The following EFNB2 variants were observed in gnomAD, a reference collection of about 807,000 sequenced individuals.
The protein encoded by EFNB2 is ephrin-B2.
In EFNB2, 5 loss-of-function variants were observed where a neutral mutation model predicts 32.1. That is an observed-to-expected ratio of 0.16 (90% confidence interval 0.08 to 0.33). EFNB2 has a LOEUF of 0.33. Among genes scored for constraint, EFNB2 ranks in the 10% least tolerant of loss-of-function variants. EFNB2 has a pLI of 1.00. For missense variants in EFNB2, 263 were observed against 422.6 expected (o/e 0.62, Z 3.31); for synonymous variants, 168 against 166.5 (o/e 1.01, Z -0.07).
chr13:106,530,025 C>T (rs191102168), intron 1 of EFNB2, among the ~76,000 whole-genome samples: 66 of 152,304 alleles, frequency 4.3e-4, no homozygotes, highest in African/African-American at 1.5e-3. Flanking sequence ...AGAGTTCACA[C>T]GGCTAGTATC....
intron 2 of EFNB2, among the ~76,000 whole-genome samples, chr13:106,505,285 G>T (rs952854001): frequency 3.9e-5 from 6 of 152,152 alleles, no homozygotes; most frequent in Non-Finnish European, 7.3e-5. Flanking sequence ...ATTGCTACAT[G>T]TGCACTTAGA....
At chr13:106,500,025 T>A (rs1394570477) in intron 2 of EFNB2, among the ~76,000 whole-genome samples, 1 of 152,200 alleles carries the variant, frequency 6.6e-6, no homozygotes, top group Non-Finnish European at 1.5e-5. Flanking sequence ...CCTATACTTA[T>A]CTGCAGTTCT....
rs1012769087 is a variant in EFNB2, at chr13:106,492,921, C to G, written c.*119G>C. 7.5e-7 allele frequency: 1 copy of G among 1,335,958 alleles called. No individual in the cohort carries two copies. Among genetic ancestry groups the G allele is most frequent in the Non-Finnish European group, 1.0e-6 (1 of 985,230 alleles). 82.8% of individuals were successfully genotyped at this position (1,335,958 alleles called of 1,614,324 possible). Reference sequence around the variant, plus strand: ...ACGGGCTCTTCCGAGGAGGAGTGTCCCTCTCCCCCGGTGCTGTGCTTCAGT... The same window carrying G: ...ACGGGCTCTTCCGAGGAGGAGTGTCGCTCTCCCCCGGTGCTGTGCTTCAGT... On this transcript the variant is annotated 3_prime_UTR_variant, in exon 5 of 5. Transcript: ENST00000646441. This position sits in a 1 kb window ranked among gnomAD's most constrained non-coding sequence, Gnocchi z 5.1.
At chr13:106,525,413 C>A (rs1195237707) in intron 1 of EFNB2, among the ~76,000 whole-genome samples, 1 of 152,198 alleles carries the variant, frequency 6.6e-6, no homozygotes, top group Non-Finnish European at 1.5e-5. Context: ...ACTGATAATT[C>A]TCACGTGAAC....
In EFNB2 at chr13:106,492,991, G is replaced by C; in HGVS notation, c.*49C>G. 2.6e-6 allele frequency: 4 copies of C among 1,549,392 alleles called. No individual in the cohort carries two copies. The highest frequency in any genetic ancestry group is 2.3e-5 in the East Asian group (1 of 44,196). ...CTCTCAAACCCTCAAGGGAGGCATC[G>C]GGACATTAGGTGTCCTCTGGGAAAG... On this transcript the variant is annotated 3_prime_UTR_variant, in exon 5 of 5. Transcript: ENST00000646441. The surrounding 1 kb of genome is among the most constrained non-coding windows in gnomAD (Gnocchi z 5.1).
At chr13:106,494,815 C>G in intron 4 of EFNB2, 66 bp downstream of exon 4, 2 of 1,282,274 alleles carry the variant, frequency 1.6e-6, no homozygotes, top group Non-Finnish European at 1.1e-6. Context: ...TCTGCCCTAC[C>G]TTTTAAGATA....
chr13:106,531,766 GA>G (rs5806591), intron 1 of EFNB2, among the ~76,000 whole-genome samples: 1 of 151,776 alleles, frequency 6.6e-6, no homozygotes, highest in African/African-American at 2.4e-5. Context: ...ATTATATAGG[GA>G]AAAAATTACA....
chr13:106,497,290 A>G (rs973354920), intron 2 of EFNB2, among the ~76,000 whole-genome samples: 4 of 152,134 alleles, frequency 2.6e-5, no homozygotes. Flanking sequence ...CTTAAACTTT[A>G]CAGTCTCACA....
intron 2 of EFNB2, chr13:106,510,053 G>C (rs1283893586): frequency 6.6e-6 from 1 of 152,094 alleles, no homozygotes; most frequent in Non-Finnish European, 1.5e-5. Context: ...TCAAACTTGA[G>C]ACCCTCAATT....
chr13:106,529,975 T>C (rs1879820865), intron 1 of EFNB2, among the ~76,000 whole-genome samples: 1 of 152,254 alleles, frequency 6.6e-6, no homozygotes, highest in Non-Finnish European at 1.5e-5. Flanking sequence ...CACTTTGTTT[T>C]TGATTCGGAA....
In EFNB2 at chr13:106,493,123, C is replaced by T; in HGVS notation, c.919G>A (p.Val307Ile). ...ACCGGGTGCCCGTAGTCCCCGCTGACCTTCTCGTAGTGAGGGCAGAAGACG... is the reference window on the plus strand; with the variant it reads ...ACCGGGTGCCCGTAGTCCCCGCTGATCTTCTCGTAGTGAGGGCAGAAGACG... ...DSVFCPHYEK[V>I]SGDYGHPVYI... Residue 307 changes from valine to isoleucine, a missense_variant, in exon 5 of 5, where the codon GTC becomes ATC. Coordinates refer to ENST00000646441, the MANE Select transcript of EFNB2 (RefSeq NM_004093.4). This position sits in a 1 kb window ranked among gnomAD's most constrained non-coding sequence, Gnocchi z 6.1. 6.2e-7 allele frequency: 1 copy of T among 1,614,080 alleles called. No homozygotes were observed. Among genetic ancestry groups the T allele is most frequent in the Non-Finnish European group, 8.5e-7 (1 of 1,180,044 alleles).
chr13:106,497,545 T>A (rs567438950), intron 2 of EFNB2, among the ~76,000 whole-genome samples: 23 of 145,248 alleles, frequency 1.6e-4, no homozygotes, highest in Non-Finnish European at 2.8e-4. Flanking sequence ...GCTATTAAAA[T>A]TTTTTTTTAT....
At chr13:106,533,281 C>CGCCT (rs1879945183) in intron 1 of EFNB2, among the ~76,000 whole-genome samples, 1 of 151,856 alleles carries the variant, frequency 6.6e-6, no homozygotes, top group East Asian at 1.9e-4. Context: ...CCCGCCCGCC[C>CGCCT]GCCTCTCCCG....
intron 2 of EFNB2, among the ~76,000 whole-genome samples, chr13:106,496,791 G>GT (rs1878606581): frequency 6.6e-6 from 1 of 152,170 alleles, no homozygotes; most frequent in African/African-American, 2.4e-5. Context: ...AACTCAAGCT[G>GT]TAAAGAGATA....
chr13:106,525,675 G>A (rs182774014), intron 1 of EFNB2, among the ~76,000 whole-genome samples: 1 of 152,310 alleles, frequency 6.6e-6, no homozygotes, highest in African/African-American at 2.4e-5. Context: ...GACCCCTCCA[G>A]AGGCAAATGC....
rs1385538764 is a variant in EFNB2, at chr13:106,535,595, C to G, written c.-631G>C. The G allele has an allele frequency of 6.6e-6, 1 of 150,706 alleles. No individual in the cohort carries two copies. Among genetic ancestry groups the G allele is most frequent in the East Asian group, 2.0e-4 (1 of 5,008 alleles). The allele number at this position is 150,706 out of a possible 1,614,324, so 9.3% of individuals were successfully genotyped here. ...CGGGCCTTTGTGTGCGGGGAGGGCGCCGGGACCCGCTGCGTGCGCAGCTCC... is the reference window on the plus strand; with the variant it reads ...CGGGCCTTTGTGTGCGGGGAGGGCGGCGGGACCCGCTGCGTGCGCAGCTCC... On this transcript the variant is annotated 5_prime_UTR_variant, in exon 1 of 5. Transcript: ENST00000646441.
intron 1 of EFNB2, among the ~76,000 whole-genome samples, chr13:106,534,072 C>A (rs534181400): frequency 1.3e-5 from 2 of 152,322 alleles, no homozygotes; most frequent in South Asian, 4.1e-4. Context: ...GGAGCAGTGT[C>A]GACTGGGCAG....
At chr13:106,526,794 G>A (rs2060693939) in intron 1 of EFNB2, among the ~76,000 whole-genome samples, 2 of 152,156 alleles carry the variant, frequency 1.3e-5, no homozygotes, top group African/African-American at 4.8e-5. Flanking sequence ...GCCATGGTAA[G>A]CCCAGGTAAA....
At chr13:106,517,899 A>C (rs946736485) in intron 1 of EFNB2, 3 of 152,220 alleles carry the variant, frequency 2.0e-5, no homozygotes, top group African/African-American at 7.2e-5. Flanking sequence ...CAAGTTTTTC[A>C]CCAATCTAGA....
Sources: allele counts gnomAD v4.1 joint callset (sites outside exome capture counted in the v4.1 genomes callset), GRCh38; gene constraint gnomAD v4.1.1; non-coding constraint Gnocchi (gnomAD v3.1); transcripts MANE v1.5; gene names NCBI Gene and HGNC (gene_info 2026-07-23, HGNC 2026-07-21).